SPTBN1: variants seen among roughly 807,000 people sequenced by gnomAD.
SPTBN1 encodes the protein spectrin beta chain, non-erythrocytic 1.
In SPTBN1, 32 loss-of-function variants were observed where a neutral mutation model predicts 266.4. That is an observed-to-expected ratio of 0.12 (90% CI 0.09 to 0.16). The LOEUF (loss-of-function observed/expected upper bound fraction) is 0.16, where lower values mean the gene tolerates loss of function less well. SPTBN1 is among the 10% of genes least tolerant of loss of function. The probability of loss-of-function intolerance (pLI) is 1.00; values close to 1 mark genes in which losing one functional copy is unlikely to be tolerated. For missense variants in SPTBN1, 2,296 were observed against 3,067.1 expected (o/e 0.75, Z 5.94); for synonymous variants, 1,336 against 1,162.2 (o/e 1.15, Z -3.04).
chr2:54,472,088 C>T (rs1229670059), intron 1 of SPTBN1, among the ~76,000 whole-genome samples: 5 of 121,720 alleles, frequency 4.1e-5, no homozygotes, highest in Admixed American at 2.3e-4. Context: ...AGTGCAGTGG[C>T]GCGATCTTGG....
chr2:54,460,530 C>T (rs1034160800), intron 1 of SPTBN1, among the ~76,000 whole-genome samples: 5 of 152,112 alleles, frequency 3.3e-5, no homozygotes, highest in African/African-American at 1.2e-4. Context: ...AGAGCTGGAG[C>T]CTCGGAAGCT....
chr2:54,646,008 G>C lies in SPTBN1; in HGVS notation c.4575G>C (p.Lys1525Asn). The C allele has an allele frequency of 6.2e-7, 1 of 1,614,176 alleles. No homozygotes were observed. Among genetic ancestry groups the C allele is most frequent in the Non-Finnish European group, 8.5e-7 (1 of 1,180,032 alleles). The change falls in exon 22 of 36, where the codon AAG becomes AAC. Residue 1525 changes from lysine to asparagine, a missense_variant. Transcript: ENST00000356805. The surrounding 1 kb of genome is among the most constrained non-coding windows in gnomAD (Gnocchi z 4.4). ...HNLQTVQLLI[K>N]KNQTLQKEIQ... Reference sequence around the variant, plus strand: ...TCCAGACTGTGCAGCTGTTAATAAAGAAAAATCAGGTAAGCCTTTCTGCTC... The same window carrying C: ...TCCAGACTGTGCAGCTGTTAATAAACAAAAATCAGGTAAGCCTTTCTGCTC...
At chr2:54,530,996 G>A (rs77379454) in intron 2 of SPTBN1, among the ~76,000 whole-genome samples, 3,035 of 152,300 alleles carry the variant, frequency 0.02, 43 homozygotes, top group Non-Finnish European at 0.03. Context: ...TCTGTGGGGG[G>A]AGTTGGTGTA....
intron 2 of SPTBN1, among the ~76,000 whole-genome samples, chr2:54,542,732 G>A (rs980679337): frequency 6.6e-6 from 1 of 152,176 alleles, no homozygotes; most frequent in East Asian, 1.9e-4. Flanking sequence ...GCTTGAGAAA[G>A]CAGGGCCTTT....
intron 2 of SPTBN1, among the ~76,000 whole-genome samples, chr2:54,551,995 T>C (rs1212640104): frequency 6.6e-6 from 1 of 152,172 alleles, no homozygotes; most frequent in Non-Finnish European, 1.5e-5. Flanking sequence ...ATTCTGAGTA[T>C]GCCTTTCCCA....
At chr2:54,551,183 A>C (rs1672545988) in intron 2 of SPTBN1, among the ~76,000 whole-genome samples, 2 of 152,170 alleles carry the variant, frequency 1.3e-5, no homozygotes. Flanking sequence ...CACTCTTGTA[A>C]AACTCTGGCC....
At chr2:54,611,465 A>ACT (rs200604514) in intron 3 of SPTBN1, among the ~76,000 whole-genome samples, 5 of 150,508 alleles carry the variant, frequency 3.3e-5, no homozygotes, top group East Asian at 1.9e-4. Flanking sequence ...TGCATTATCT[A>ACT]CTCTCTCTCT....
In SPTBN1 at chr2:54,671,196, C is replaced by T. The variant is rs1191948695; in HGVS notation, c.*2627C>T. ...TTGAGCATCTCAAGTTGGGATGCATCTTCTGATGGCACTTCCGGAACTGGC... is the reference window on the plus strand; with the variant it reads ...TTGAGCATCTCAAGTTGGGATGCATTTTCTGATGGCACTTCCGGAACTGGC... On this transcript the variant is annotated 3_prime_UTR_variant, in exon 36 of 36. Transcript: ENST00000356805. The T allele has an allele frequency of 1.2e-5, 2 of 163,690 alleles. No individual in the cohort carries two copies. The highest frequency in any genetic ancestry group is 4.8e-5 in the African/African-American group (2 of 41,982). The allele number at this position is 163,690 out of a possible 1,614,324, so 10.1% of individuals were successfully genotyped here.
At chr2:54,586,248 C>T (rs1321831560) in intron 2 of SPTBN1, among the ~76,000 whole-genome samples, 1 of 152,134 alleles carries the variant, frequency 6.6e-6, no homozygotes, top group Non-Finnish European at 1.5e-5. Context: ...TTGAGACAGT[C>T]GTATTTAATT....
chr2:54,513,386 G>C (rs763845275), intron 1 of SPTBN1, among the ~76,000 whole-genome samples: 1 of 152,088 alleles, frequency 6.6e-6, no homozygotes, highest in Non-Finnish European at 1.5e-5. Context: ...ATTTGCAGAG[G>C]ATTTTGGCAT....
chr2:54,498,202 G>C (rs141738979), intron 1 of SPTBN1, among the ~76,000 whole-genome samples: 1 of 152,234 alleles, frequency 6.6e-6, no homozygotes, highest in African/African-American at 2.4e-5. Context: ...TAAGAGCATA[G>C]ACTAAGTGCT....
intron 3 of SPTBN1, among the ~76,000 whole-genome samples, chr2:54,606,769 G>T (rs1027516743): frequency 6.6e-6 from 1 of 152,126 alleles, no homozygotes; most frequent in East Asian, 1.9e-4. Context: ...CTTCTAGGGC[G>T]GCACCGATTA....
intron 18 of SPTBN1, among the ~76,000 whole-genome samples, chr2:54,640,190 G>A (rs947009577): frequency 2.0e-5 from 3 of 152,082 alleles, no homozygotes; most frequent in Non-Finnish European, 4.4e-5. Flanking sequence ...TGAGAATGGC[G>A]TTTGTGTGTG....
chr2:54,459,547 A>G (rs1291445771), intron 1 of SPTBN1, among the ~76,000 whole-genome samples: 1 of 152,240 alleles, frequency 6.6e-6, no homozygotes, highest in Admixed American at 6.5e-5. Flanking sequence ...TTTTGTCGAA[A>G]TAATTTTAAG....
intron 24 of SPTBN1, 81 bp from the exon 25 acceptor site, chr2:54,648,905 T>TC: frequency 7.7e-7 from 1 of 1,295,606 alleles, no homozygotes; most frequent in Non-Finnish European, 1.1e-6. Flanking sequence ...TCTCCCATTA[T>TC]CTCCACCTCA....
At position 54,668,712 on chromosome 2, in the gene SPTBN1, C is replaced by T. The variant is rs541933368; in HGVS notation, c.*143C>T. On this transcript the variant is annotated 3_prime_UTR_variant, in exon 36 of 36. Coordinates refer to ENST00000356805, the MANE Select transcript of SPTBN1 (RefSeq NM_003128.3). ...TTTTTTTTTAATTTATAGAGCATTT[C>T]GGGGGGGGTGGGGGAAACACACCTA... 9.1e-5 allele frequency: 49 copies of T among 539,162 alleles called. No homozygotes were observed. The highest frequency in any genetic ancestry group is 4.9e-4 in the Middle Eastern group (1 of 2,024). The allele number at this position is 539,162 out of a possible 1,614,324, so 33.4% of individuals were successfully genotyped here.
chr2:54,461,348 A>T (rs1346174948), intron 1 of SPTBN1, among the ~76,000 whole-genome samples: 1 of 152,134 alleles, frequency 6.6e-6, no homozygotes, highest in African/African-American at 2.4e-5. Context: ...TGTACTCTAG[A>T]TGGAGATTTG....
At chr2:54,469,380 G>A (rs1693802933) in intron 1 of SPTBN1, among the ~76,000 whole-genome samples, 2 of 152,102 alleles carry the variant, frequency 1.3e-5, no homozygotes, top group Admixed American at 1.3e-4. Context: ...CTTCTTCTGG[G>A]GTTTAAACAC....
rs372899977 is a variant in SPTBN1 at position 54,659,249 on chromosome 2, C to T, written c.6339C>T (p.Ala2113=). 1.7e-5 allele frequency: 27 copies of T among 1,613,992 alleles called. No individual in the cohort carries two copies. The highest frequency in any genetic ancestry group is 8.8e-5 in the South Asian group (8 of 91,058). The change falls in exon 31 of 36, where the codon GCC becomes GCT. Residue 2113 remains alanine (A), a synonymous_variant. Coordinates refer to ENST00000356805, the MANE Select transcript of SPTBN1 (RefSeq NM_003128.3). ...CGAGCACGAAGGTTTCAGAGGAAGCCGAGTCCCAGCAGCAGTGGTGAGTCC... is the reference window on the plus strand; with the variant it reads ...CGAGCACGAAGGTTTCAGAGGAAGCTGAGTCCCAGCAGCAGTGGTGAGTCC... ...PEPSTKVSEE[A]ESQQQWDTSK... is the part of the protein sequence containing the mutation.
Sources: gnomAD v4.1 joint callset for allele counts (sites outside exome capture counted in the v4.1 genomes callset) on GRCh38, gnomAD v4.1.1 for gene constraint, Gnocchi (gnomAD v3.1) non-coding constraint, MANE v1.5 for transcripts, NCBI Gene and HGNC (gene_info 2026-07-23, HGNC 2026-07-21) for gene names.